The following MICOS10 variants were observed in gnomAD, a reference collection of about 807,000 sequenced individuals.
The protein encoded by MICOS10 is MICOS complex subunit MIC10.
In MICOS10, 5 loss-of-function variants were observed where a neutral mutation model predicts 13.4. The ratio of observed to expected loss-of-function variants is 0.37; its 90% CI spans 0.20 to 0.78. The LOEUF (loss-of-function observed/expected upper bound fraction) is 0.78, where lower values mean the gene tolerates loss of function less well. Among genes scored for constraint, MICOS10 ranks in the 30% least tolerant of loss-of-function variants. The pLI, the probability that MICOS10 is intolerant of heterozygous loss-of-function variation, is 0.47. For synonymous variants in MICOS10, 35 were observed against 33.6 expected (o/e 1.04, Z -0.15); for missense variants, 101 against 94.6 (o/e 1.07, Z -0.28).
At chr1:19,612,418 G>A (rs895961104) in intron 1 of MICOS10, among the ~76,000 whole-genome samples, 1 of 151,724 alleles carries the variant, frequency 6.6e-6, no homozygotes, top group Admixed American at 6.6e-5. Context: ...TGGTAGAGTA[G>A]TGCAGCCTTT....
intron 1 of MICOS10, among the ~76,000 whole-genome samples, chr1:19,606,285 G>A (rs1359765745): frequency 6.6e-6 from 1 of 152,132 alleles, no homozygotes; most frequent in Non-Finnish European, 1.5e-5. Flanking sequence ...TTGACAAATA[G>A]GAGAGGCAGA....
chr1:19,621,983 C>T (rs1008535250), intron 1 of MICOS10, 117 bp from the exon 2 acceptor site: 1 of 755,132 alleles, frequency 1.3e-6, no homozygotes, highest in Non-Finnish European at 2.1e-6. Context: ...AAAATTAATT[C>T]TCTACCAAAT....
chr1:19,624,460 G>T (rs562887410), intron 3 of MICOS10, among the ~76,000 whole-genome samples: 1 of 151,870 alleles, frequency 6.6e-6, no homozygotes, highest in African/African-American at 2.4e-5. Flanking sequence ...GCTAATTTTC[G>T]TATTTTTAGT....
chr1:19,613,621 T>C (rs925232275), intron 1 of MICOS10, among the ~76,000 whole-genome samples: 1 of 152,194 alleles, frequency 6.6e-6, no homozygotes, highest in Non-Finnish European at 1.5e-5. Context: ...GTGAACATAG[T>C]GCGGGAACTT....
At chr1:19,599,194 C>T (rs2094804445) in intron 1 of MICOS10, among the ~76,000 whole-genome samples, 1 of 152,064 alleles carries the variant, frequency 6.6e-6, no homozygotes, top group African/African-American at 2.4e-5. Flanking sequence ...GTAGCTGGGA[C>T]TATAGGTGTG....
intron 1 of MICOS10, among the ~76,000 whole-genome samples, chr1:19,601,649 T>C (rs532162911): frequency 2.0e-5 from 3 of 151,652 alleles, no homozygotes; most frequent in East Asian, 2.0e-4. Context: ...ATTCGGGTTT[T>C]AAAACCTCTA....
chr1:19,607,337 G>A (rs1331515379), intron 1 of MICOS10, among the ~76,000 whole-genome samples: 1 of 152,132 alleles, frequency 6.6e-6, no homozygotes, highest in Non-Finnish European at 1.5e-5. Context: ...TTTTTGTTCT[G>A]GCTGTGGTTT....
intron 1 of MICOS10, chr1:19,608,442 C>T: frequency 7.8e-7 from 1 of 1,290,042 alleles, no homozygotes; most frequent in Non-Finnish European, 1.1e-6. Flanking sequence ...ACCCTTGGAC[C>T]TGGGGCCCAG....
intron 1 of MICOS10, chr1:19,608,506 C>A: frequency 8.9e-7 from 1 of 1,126,150 alleles, no homozygotes. Flanking sequence ...GGATTGAGGA[C>A]GTCACCCCCA....
rs553117713 is a variant in MICOS10, at chr1:19,613,374, C to T, written c.65-8726C>T. On this transcript the variant is annotated intron_variant, in intron 1 of 3. Coordinates refer to ENST00000322753, the MANE Select transcript of MICOS10 (RefSeq NM_001032363.4). ...CTTATTGCTTACAGGGTAGAGGCCACGATCCTTAGCATGGATGGCATAAAA... is the reference window on the plus strand; with the variant it reads ...CTTATTGCTTACAGGGTAGAGGCCATGATCCTTAGCATGGATGGCATAAAA... 2.0e-4 allele frequency among the ~76,000 whole-genome samples: 31 copies of T among 152,314 alleles called. No homozygotes were observed. The South Asian group carries it at 5.6e-3, about 27-fold the overall frequency.
chr1:19,597,206 T>A, intron 1 of MICOS10, 97 bp downstream of exon 1: 1 of 1,325,220 alleles, frequency 7.5e-7, no homozygotes, highest in South Asian at 1.4e-5. Flanking sequence ...CCACGGGAGG[T>A]CAGGCCTCTC....
intron 1 of MICOS10, among the ~76,000 whole-genome samples, chr1:19,617,893 T>C (rs930305489): frequency 6.7e-6 from 1 of 149,800 alleles, no homozygotes. Flanking sequence ...TCTGAAAGGA[T>C]CCTCTATTAA....
Position 19,597,028 on chromosome 1 carries a change from G to C in MICOS10, c.-18G>C, listed in dbSNP as rs757464659. On this transcript the variant is annotated 5_prime_UTR_variant, in exon 1 of 4. Transcript: ENST00000322753. ...CGGGGGCCGGCCGAGAGGAAAGCTG[G>C]AGGCGCGGGTGGGGAACATGTCTGA... The C allele has an allele frequency of 1.3e-6, 2 of 1,576,620 alleles. No homozygotes were observed. Among genetic ancestry groups the C allele is most frequent in the South Asian group, 1.1e-5 (1 of 87,396 alleles).
chr1:19,621,809 G>T (rs1046404624), intron 1 of MICOS10, among the ~76,000 whole-genome samples: 8 of 152,132 alleles, frequency 5.3e-5, no homozygotes, highest in African/African-American at 1.9e-4. Flanking sequence ...CTTGCCAGCA[G>T]TGTAGAGAGG....
At chr1:19,608,229 A>G (rs1453894426) in intron 1 of MICOS10, 2 of 1,430,958 alleles carry the variant, frequency 1.4e-6, no homozygotes. Flanking sequence ...TCCTTCAATG[A>G]CACTTTTGTC....
rs758057733 is a variant in MICOS10 at position 19,626,233 on chromosome 1, G to C, written c.223-154G>C. 6.9e-4 allele frequency among the ~76,000 whole-genome samples: 105 copies of C among 152,334 alleles called. 3 individuals are homozygous for C. Among genetic ancestry groups the C allele is most frequent in the Non-Finnish European group, 2.5e-4 (17 of 68,030 alleles). ...GATGGCACTCTTAGGAACCTAGGTA[G>C]GGTGTACATAGTCCTGTTGTGAGAC... is the stretch of plus-strand genomic sequence containing the variant. On this transcript the variant is annotated intron_variant, in intron 3 of 3. Transcript: ENST00000322753.
intron 1 of MICOS10, chr1:19,598,242 CT>C (rs900730752): frequency 6.6e-6 from 1 of 152,184 alleles, no homozygotes; most frequent in African/African-American, 2.4e-5. Context: ...TTTTCTGTGC[CT>C]GATTCCTATT....
chr1:19,603,399 C>T (rs973801123), intron 1 of MICOS10, among the ~76,000 whole-genome samples: 4 of 152,352 alleles, frequency 2.6e-5, no homozygotes, highest in African/African-American at 9.6e-5. Flanking sequence ...ACAACTTACT[C>T]TTCTTGAATG....
At position 19,624,459 on chromosome 1, in the gene MICOS10, C is replaced by T. The variant is rs1263865430; in HGVS notation, c.222+876C>T. Among the ~76,000 whole-genome samples, 8 of 151,564 alleles carry T rather than the reference C, an allele frequency of 5.3e-5. No homozygotes were observed. The East Asian group carries it at 7.8e-4, about 15-fold the overall frequency. The stretch of plus-strand genomic sequence containing the variant: ...GAGCCACTCACGCCCGGCTAATTTT[C>T]GTATTTTTAGTAGAGGTGGGGTTTC... On this transcript the variant is annotated intron_variant, in intron 3 of 3. Transcript: ENST00000322753.
Sources: gnomAD v4.1 joint callset for allele counts (sites outside exome capture counted in the v4.1 genomes callset) on GRCh38, gnomAD v4.1.1 for gene constraint, MANE v1.5 for transcripts, NCBI Gene and HGNC (gene_info 2026-07-23, HGNC 2026-07-21) for gene names.